The following CRTC1 variants were observed in gnomAD, a reference collection of about 807,000 sequenced individuals.
The protein encoded by CRTC1 is CREB-regulated transcription coactivator 1.
A neutral mutation model predicts 66.1 loss-of-function variants in CRTC1; 18 were observed. The ratio of observed to expected loss-of-function variants is 0.27; its 90% CI spans 0.19 to 0.40. The LOEUF is 0.40. Among genes scored for constraint, CRTC1 ranks in the 10% least tolerant of loss-of-function variants. The pLI is 1.00. For missense variants in CRTC1, 669 were observed against 887.9 expected, an observed-to-expected ratio of 0.75 and a Z score of 3.13; for synonymous variants, 416 against 398.8, an observed-to-expected ratio of 1.04 and a Z score of -0.51.
At chr19:18,744,717 C>T (rs905542378) in intron 2 of CRTC1, among the ~76,000 whole-genome samples, 4 of 152,210 alleles carry the variant, frequency 2.6e-5, no homozygotes, top group Admixed American at 6.5e-5. Flanking sequence ...TTCCCACCCT[C>T]ATCGTCACAG....
At chr19:18,753,645 G>T in intron 6 of CRTC1, 60 bp downstream of exon 6, 1 of 1,296,776 alleles carries the variant, frequency 7.7e-7, no homozygotes, top group Non-Finnish European at 1.1e-6. Flanking sequence ...AGCATCACCT[G>T]GGCAAAGGTG....
rs563349164 is a variant in CRTC1 at position 18,698,306 on chromosome 19, G to A, written c.126+14478G>A. Among the ~76,000 whole-genome samples the A allele has an allele frequency of 7.5e-5, 11 of 147,550 alleles. No individual in the cohort carries two copies. In the East Asian group the frequency reaches 1.6e-3, roughly 22 times the overall value. On this transcript the variant is annotated intron_variant, in intron 1 of 13. Transcript: ENST00000321949. Reference sequence around the variant, plus strand: ...GGTGCACAGTGTGTACTCAGCAGGCGCTCAGCAGGCACAGTGTGTACTCAG... The same window carrying A: ...GGTGCACAGTGTGTACTCAGCAGGCACTCAGCAGGCACAGTGTGTACTCAG...
At chr19:18,702,222 A>AT (rs1163774588) in intron 1 of CRTC1, among the ~76,000 whole-genome samples, 9,509 of 134,272 alleles carry the variant, frequency 0.071, 552 homozygotes, top group African/African-American at 0.17. Flanking sequence ...TGTGCCCAGC[A>AT]TTTTTTTTTT....
intron 1 of CRTC1, among the ~76,000 whole-genome samples, chr19:18,718,779 T>C (rs1413014882): frequency 1.3e-5 from 2 of 152,134 alleles, no homozygotes; most frequent in Non-Finnish European, 2.9e-5. Context: ...TCATGTATGA[T>C]TGTCTTCATT....
In CRTC1 at chr19:18,780,990, G is replaced by A. The variant is rs948512384; in HGVS notation, c.*3608G>A. ...ATTTCCAAGGAGCCCTCCGACCAGG[G>A]AGAGGCTGGTGGAGTAAGGTCCAGC... On this transcript the variant is annotated 3_prime_UTR_variant, in exon 14 of 14. Coordinates refer to ENST00000321949, the MANE Select transcript of CRTC1 (RefSeq NM_015321.3). 8.9e-6 allele frequency: 2 copies of A among 225,092 alleles called. No individual in the cohort carries two copies. Among genetic ancestry groups the A allele is most frequent in the Non-Finnish European group, 1.8e-5 (2 of 113,106 alleles). 13.9% of individuals were successfully genotyped at this position (225,092 alleles called of 1,614,324 possible). A position where few individuals can be genotyped will look rare whatever the true frequency, so the allele number is the denominator to read the frequency against.
chr19:18,756,752 A>C (rs1281422866), intron 6 of CRTC1, among the ~76,000 whole-genome samples: 1 of 152,168 alleles, frequency 6.6e-6, no homozygotes, highest in East Asian at 1.9e-4. Flanking sequence ...GGCGACAGTC[A>C]CCTTGCAGAG....
rs751100527 is a variant in CRTC1 at position 18,774,993 on chromosome 19, G to A, written c.1512+7G>A. The A allele has an allele frequency of 1.9e-5, 30 of 1,602,188 alleles. 1 individual carries two copies. The highest frequency in any genetic ancestry group is 1.7e-4 in the African/African-American group (13 of 74,888). On this transcript the variant is annotated splice_region_variant and intron_variant, in intron 12 of 13. Coordinates refer to ENST00000321949, the MANE Select transcript of CRTC1 (RefSeq NM_015321.3). The stretch of plus-strand genomic sequence containing the variant: ...CAATGCTCTGTCCCACCAGGTGAGC[G>A]GGCGCCCAGGCTGCCAGCCGGCCGG...
chr19:18,690,821 C>A (rs1225162880), intron 1 of CRTC1, among the ~76,000 whole-genome samples: 1 of 151,670 alleles, frequency 6.6e-6, no homozygotes, highest in Non-Finnish European at 1.5e-5. Context: ...GTCAGGAGAT[C>A]GAGACCATCC....
At chr19:18,767,206 A>AT (rs924912584) in intron 9 of CRTC1, among the ~76,000 whole-genome samples, 24 of 149,988 alleles carry the variant, frequency 1.6e-4, no homozygotes, top group African/African-American at 4.2e-4. Context: ...TTTTAATTTA[A>AT]TTTTTTTTTT....
At chr19:18,692,531 G>A (rs2052866956) in intron 1 of CRTC1, among the ~76,000 whole-genome samples, 1 of 151,684 alleles carries the variant, frequency 6.6e-6, no homozygotes, top group Non-Finnish European at 1.5e-5. Flanking sequence ...AACTTGGGAG[G>A]TGGAGGTTGC....
intron 9 of CRTC1, among the ~76,000 whole-genome samples, chr19:18,765,852 T>C (rs1484704223): frequency 6.6e-6 from 1 of 151,822 alleles, no homozygotes; most frequent in African/African-American, 2.4e-5. Flanking sequence ...TCCCAGCTAC[T>C]AGGGAGGCTA....
chr19:18,690,795 G>A (rs1366079019), intron 1 of CRTC1, among the ~76,000 whole-genome samples: 1 of 151,964 alleles, frequency 6.6e-6, no homozygotes, highest in Non-Finnish European at 1.5e-5. Context: ...GGAGGCCGGG[G>A]TGGGCAGATC....
intron 1 of CRTC1, among the ~76,000 whole-genome samples, chr19:18,711,795 T>A (rs1367991461): frequency 1.3e-5 from 2 of 152,206 alleles, no homozygotes; most frequent in African/African-American, 4.8e-5. Flanking sequence ...CTTATACACA[T>A]GTGGGACCGT....
intron 6 of CRTC1, among the ~76,000 whole-genome samples, chr19:18,758,507 G>T (rs1336773743): frequency 6.6e-6 from 1 of 152,128 alleles, no homozygotes; most frequent in Non-Finnish European, 1.5e-5. Flanking sequence ...TGTCCTGACA[G>T]TGCTCCTCAG....
intron 3 of CRTC1, among the ~76,000 whole-genome samples, chr19:18,746,460 G>A (rs1365995169): frequency 6.6e-6 from 1 of 151,950 alleles, no homozygotes; most frequent in Non-Finnish European, 1.5e-5. Context: ...ACTCGGTCAC[G>A]CAGAGATCAG....
intron 1 of CRTC1, among the ~76,000 whole-genome samples, chr19:18,708,420 G>A (rs2053312647): frequency 6.6e-6 from 1 of 152,206 alleles, no homozygotes; most frequent in Admixed American, 6.5e-5. Context: ...GCCCGAGAGA[G>A]GAACGGGGCC....
rs1303610471 is a variant in CRTC1, at chr19:18,778,043, C to T, written c.*661C>T. On this transcript the variant is annotated 3_prime_UTR_variant, in exon 14 of 14. Coordinates refer to ENST00000321949, the MANE Select transcript of CRTC1 (RefSeq NM_015321.3). ...GAGCATGCAGGGCGGCGGACCCCCCCACGACCCTCCTCGCCCTGTCTCCAT... is the reference window on the plus strand; with the variant it reads ...GAGCATGCAGGGCGGCGGACCCCCCTACGACCCTCCTCGCCCTGTCTCCAT... The T allele has an allele frequency of 4.3e-6, 1 of 233,990 alleles. No homozygotes were observed. Among genetic ancestry groups the T allele is most frequent in the Non-Finnish European group, 8.4e-6 (1 of 118,698 alleles). The allele number at this position is 233,990 out of a possible 1,614,324, so 14.5% of individuals were successfully genotyped here. A position where few individuals can be genotyped will look rare whatever the true frequency, so the allele number is the denominator to read the frequency against.
chr19:18,745,691 C>CCA (rs765732494), intron 2 of CRTC1, 132 bp from the exon 3 acceptor site: 665 of 1,156,120 alleles, frequency 5.8e-4, no homozygotes, highest in Non-Finnish European at 8.1e-4. Context: ...CCATCCCAGG[C>CCA]TGTGGAGCGA....
intron 1 of CRTC1, among the ~76,000 whole-genome samples, chr19:18,702,422 C>G (rs1480574769): frequency 1.3e-5 from 2 of 151,824 alleles, no homozygotes. Flanking sequence ...ACAGGAGTCT[C>G]CCTGTGTTGC....
Sources: gnomAD v4.1 joint callset for allele counts (sites outside exome capture counted in the v4.1 genomes callset) on GRCh38, gnomAD v4.1.1 for gene constraint, MANE v1.5 for transcripts, NCBI Gene and HGNC (gene_info 2026-07-23, HGNC 2026-07-21) for gene names.